ODAD2: variants seen among roughly 807,000 people sequenced by gnomAD.
ODAD2 encodes the protein outer dynein arm docking complex subunit 2.
ODAD2 carries 89 observed loss-of-function variants against 106.8 expected under a neutral mutation model. The observed-to-expected ratio is 0.83, with a 90% CI of 0.70 to 0.99. The LOEUF (loss-of-function observed/expected upper bound fraction) is 0.99, where lower values mean the gene tolerates loss of function less well. Among genes scored for constraint, ODAD2 ranks in the 50% least tolerant of loss-of-function variants. The probability of loss-of-function intolerance (pLI) is 0.00; values close to 1 mark genes in which losing one functional copy is unlikely to be tolerated. For missense variants in ODAD2, 1,168 were observed against 1,238.5 expected, an observed-to-expected ratio of 0.94 and a Z score of 0.85; for synonymous variants, 404 against 436.2, an observed-to-expected ratio of 0.93 and a Z score of 0.92.
chr10:27,996,110 C>A (rs1850544053), intron 1 of ODAD2, among the ~76,000 whole-genome samples: 1 of 152,208 alleles, frequency 6.6e-6, no homozygotes, highest in Non-Finnish European at 1.5e-5. Flanking sequence ...AAAGCACGTT[C>A]TGACTTCATA....
intron 9 of ODAD2, among the ~76,000 whole-genome samples, chr10:27,962,836 A>G (rs534697400): frequency 6.0e-4 from 91 of 152,158 alleles, no homozygotes; most frequent in African/African-American, 1.9e-3. Context: ...CTCAGGAACT[A>G]CTCATCCATC....
intron 9 of ODAD2, among the ~76,000 whole-genome samples, chr10:27,967,687 T>G (rs1174173205): frequency 1.8e-4 from 28 of 151,744 alleles, no homozygotes; most frequent in Middle Eastern, 3.4e-3. Flanking sequence ...GGTCAGGAGT[T>G]CAAGACCAGC....
chr10:27,904,728 G>A (rs1013891265), intron 17 of ODAD2, among the ~76,000 whole-genome samples: 2 of 152,130 alleles, frequency 1.3e-5, no homozygotes, highest in Admixed American at 6.5e-5. Context: ...TGGCTATTCC[G>A]ACATGTTTAT....
intron 19 of ODAD2, among the ~76,000 whole-genome samples, chr10:27,836,470 C>T (rs1278070828): frequency 1.3e-5 from 2 of 152,186 alleles, no homozygotes; most frequent in Non-Finnish European, 2.9e-5. Context: ...GGGACATCTT[C>T]CTAAATTATA....
intron 17 of ODAD2, among the ~76,000 whole-genome samples, chr10:27,894,136 A>G (rs7099876): frequency 0.66 from 100,219 of 151,376 alleles, 33,483 homozygotes; most frequent in Middle Eastern, 0.74. Context: ...GTGAGACACC[A>G]TCTCTAAAAA....
intron 19 of ODAD2, among the ~76,000 whole-genome samples, chr10:27,846,801 C>T (rs1282628215): frequency 2.0e-5 from 3 of 150,562 alleles, no homozygotes; most frequent in African/African-American, 4.9e-5. Context: ...AACACCTCCA[C>T]ACAAATAAAC....
At chr10:27,838,025 A>G (rs1259220970) in intron 19 of ODAD2, among the ~76,000 whole-genome samples, 1 of 152,142 alleles carries the variant, frequency 6.6e-6, no homozygotes, top group Non-Finnish European at 1.5e-5. Flanking sequence ...AGATTTTTGT[A>G]TTTTTTTAAA....
chr10:27,900,172 C>T (rs1486351750), intron 17 of ODAD2, among the ~76,000 whole-genome samples: 4 of 152,190 alleles, frequency 2.6e-5, no homozygotes, highest in Admixed American at 2.0e-4. Context: ...CCCAGGCAAA[C>T]AGGATCTGGA....
At chr10:27,899,738 C>A (rs886377405) in intron 17 of ODAD2, among the ~76,000 whole-genome samples, 1 of 152,184 alleles carries the variant, frequency 6.6e-6, no homozygotes, top group Non-Finnish European at 1.5e-5. Context: ...CTCCGCAAAG[C>A]CACTGTAGAC....
chr10:27,936,124 G>T (rs1026008012), intron 15 of ODAD2, among the ~76,000 whole-genome samples: 1 of 152,016 alleles, frequency 6.6e-6, no homozygotes, highest in African/African-American at 2.4e-5. Flanking sequence ...TCTTGTTAAA[G>T]GAAATAATCA....
chr10:27,848,543 G>T (rs1249127718), intron 19 of ODAD2, among the ~76,000 whole-genome samples: 1 of 151,030 alleles, frequency 6.6e-6, no homozygotes, highest in African/African-American at 2.4e-5. Flanking sequence ...GGTAACAAAA[G>T]CCAAAATTGA....
chr10:27,928,312 C>A (rs11816595), intron 16 of ODAD2, among the ~76,000 whole-genome samples: 1 of 152,062 alleles, frequency 6.6e-6, no homozygotes, highest in Non-Finnish European at 1.5e-5. Context: ...TCACTTGGTC[C>A]CATCCATTCT....
intron 19 of ODAD2, among the ~76,000 whole-genome samples, chr10:27,844,150 G>A (rs180766139): frequency 6.6e-6 from 1 of 152,130 alleles, no homozygotes; most frequent in African/African-American, 2.4e-5. Context: ...AGCTATGATC[G>A]TGCCACTGTA....
At chr10:27,831,631 C>T (rs533908527) in intron 19 of ODAD2, among the ~76,000 whole-genome samples, 18 of 152,336 alleles carry the variant, frequency 1.2e-4, no homozygotes, top group African/African-American at 4.3e-4. Flanking sequence ...AGATTCCATG[C>T]TCTTATCTGC....
chr10:27,890,103 A>T (rs1284428269), intron 17 of ODAD2, among the ~76,000 whole-genome samples: 1 of 152,218 alleles, frequency 6.6e-6, no homozygotes. Flanking sequence ...ATCATGGAAC[A>T]AATGTGTGCA....
chr10:27,852,234 G>A (rs1037231703), intron 19 of ODAD2, among the ~76,000 whole-genome samples: 13 of 152,124 alleles, frequency 8.5e-5, no homozygotes, highest in Non-Finnish European at 1.9e-4. Context: ...TTACAGAAAG[G>A]AATAAATAGC....
At chr10:27,929,284 T>G (rs1241789341) in intron 16 of ODAD2, among the ~76,000 whole-genome samples, 1 of 152,156 alleles carries the variant, frequency 6.6e-6, no homozygotes, top group African/African-American at 2.4e-5. Flanking sequence ...GATGAATAGA[T>G]GAGAGACGAT....
Position 27,813,593 on chromosome 10 carries a change from G to C in ODAD2, c.3022-968C>G, listed in dbSNP as rs547991405. Among the ~76,000 whole-genome samples, 24 of 152,242 alleles carry C rather than the reference G, an allele frequency of 1.6e-4. No individual in the cohort carries two copies. The Middle Eastern group carries it at 0.017, about 108-fold the overall frequency. On this transcript the variant is annotated intron_variant, in intron 19 of 19. Transcript: ENST00000305242. ...CATATTTTTTTACCCAATAGCATTTGAGTGCAAATGTGGATGATGCCAAAA... is the reference window on the plus strand; with the variant it reads ...CATATTTTTTTACCCAATAGCATTTCAGTGCAAATGTGGATGATGCCAAAA...
rs1277709050 is a variant in ODAD2, at chr10:27,985,197, T to TG, written c.396dup (p.Ile133HisfsTer8). 6.5e-7 allele frequency: 1 copy of TG among 1,546,798 alleles called. No homozygotes were observed. The highest frequency in any genetic ancestry group is 8.7e-7 in the Non-Finnish European group (1 of 1,147,356). On this transcript the variant is annotated frameshift_variant, in exon 4 of 20. Coordinates refer to ENST00000305242, the MANE Select transcript of ODAD2 (RefSeq NM_018076.5). LOFTEE classifies it high-confidence loss of function. The stretch of plus-strand genomic sequence containing the variant: ...TAATCAGAGCCCAGGATTTTTACTA[T>TG]GGGGTCTCTGTTAGCTGCCAAAAAA...
Sources: allele counts gnomAD v4.1 joint callset (sites outside exome capture counted in the v4.1 genomes callset), GRCh38; gene constraint gnomAD v4.1.1; transcripts MANE v1.5; gene names NCBI Gene and HGNC (gene_info 2026-07-23, HGNC 2026-07-21).